NKAIN2: variants seen among roughly 807,000 people sequenced by gnomAD.
NKAIN2 encodes sodium/potassium-transporting ATPase subunit beta-1-interacting protein 2.
NKAIN2 carries 14 observed loss-of-function variants against 32.6 expected under a neutral mutation model. The ratio of observed to expected loss-of-function variants is 0.43; its 90% confidence interval spans 0.28 to 0.67. NKAIN2 has a LOEUF of 0.67. Ranked by LOEUF, NKAIN2 falls within the 30% of genes least tolerant of loss-of-function variation. The pLI is 0.17. For missense variants in NKAIN2, 198 were observed against 258.3 expected, an observed-to-expected ratio of 0.77 and a Z score of 1.60; for synonymous variants, 80 against 87.2, an observed-to-expected ratio of 0.92 and a Z score of 0.46.
At chr6:124,374,849 A>T (rs2114342720) in intron 3 of NKAIN2, among the ~76,000 whole-genome samples, 1 of 152,226 alleles carries the variant, frequency 6.6e-6, no homozygotes, top group African/African-American at 2.4e-5. Context: ...TCAGAAAATT[A>T]GTTCTAAAAT....
intron 3 of NKAIN2, among the ~76,000 whole-genome samples, chr6:124,652,947 C>A (rs183973601): frequency 1.3e-5 from 2 of 152,228 alleles, no homozygotes; most frequent in Non-Finnish European, 2.9e-5. Context: ...CAAACTACAG[C>A]AAAATCTAGC....
intron 1 of NKAIN2, among the ~76,000 whole-genome samples, chr6:124,271,299 C>A (rs1472150685): frequency 6.6e-6 from 1 of 152,188 alleles, no homozygotes; most frequent in Non-Finnish European, 1.5e-5. Context: ...TCACTGCAAG[C>A]TCCACCTCCC....
At chr6:124,121,007 A>G (rs1785853253) in intron 1 of NKAIN2, among the ~76,000 whole-genome samples, 1 of 152,108 alleles carries the variant, frequency 6.6e-6, no homozygotes, top group Non-Finnish European at 1.5e-5. Flanking sequence ...ATTAGTCCTA[A>G]ACTGTTCTAT....
intron 4 of NKAIN2, among the ~76,000 whole-genome samples, chr6:124,773,364 T>A (rs1436939059): frequency 6.6e-6 from 1 of 152,028 alleles, no homozygotes; most frequent in East Asian, 1.9e-4. Context: ...TTTTTAAGAT[T>A]TGCATTTCTT....
rs1477827173 is a variant in NKAIN2 at position 124,101,462 on chromosome 6, A to G, written c.55-181543A>G. 5.3e-5 allele frequency among the ~76,000 whole-genome samples: 8 copies of G among 152,282 alleles called. No homozygotes were observed. The East Asian group carries it at 1.4e-3, about 26-fold the overall frequency. On this transcript the variant is annotated intron_variant, in intron 1 of 6. Coordinates refer to ENST00000368417, the MANE Select transcript of NKAIN2 (RefSeq NM_001040214.3). ...GGAAATCAGACATCTAATTAGCTAGATCATTTGCTGGGCACAGAATGTCAG... is the reference window on the plus strand; with the variant it reads ...GGAAATCAGACATCTAATTAGCTAGGTCATTTGCTGGGCACAGAATGTCAG...
At chr6:123,992,501 T>C (rs1436884977) in intron 1 of NKAIN2, among the ~76,000 whole-genome samples, 1 of 152,098 alleles carries the variant, frequency 6.6e-6, no homozygotes, top group African/African-American at 2.4e-5. Flanking sequence ...AAGTGTAAAA[T>C]TGAGTCCTCT....
chr6:123,953,122 T>A (rs1362892023), intron 1 of NKAIN2, among the ~76,000 whole-genome samples: 2 of 152,190 alleles, frequency 1.3e-5, no homozygotes, highest in Non-Finnish European at 2.9e-5. Flanking sequence ...TGTAGTGTTC[T>A]TATCATTCCT....
Position 124,818,457 on chromosome 6 carries a change from G to A in NKAIN2, c.606G>A (p.Gln202=). 2 of 1,565,120 alleles carry A rather than the reference G, an allele frequency of 1.3e-6. No individual in the cohort carries two copies. The highest frequency in any genetic ancestry group is 1.8e-6 in the Non-Finnish European group (2 of 1,136,654). Residue 202 remains glutamine (Q), a synonymous_variant, in exon 6 of 7, where the codon CAG becomes CAA. Transcript: ENST00000368417. ...GPQKTSHLQL[Q]PMYMSK is the part of the protein sequence containing the mutation. ...AGAAGACATCTCATTTACAACTACAGCCTATGTACATGTAAGTATTTTACT... is the reference window on the plus strand; with the variant it reads ...AGAAGACATCTCATTTACAACTACAACCTATGTACATGTAAGTATTTTACT...
intron 3 of NKAIN2, among the ~76,000 whole-genome samples, chr6:124,577,921 C>G (rs888129986): frequency 6.6e-6 from 1 of 152,170 alleles, no homozygotes; most frequent in Non-Finnish European, 1.5e-5. Flanking sequence ...GCATTCCAGG[C>G]CGTACCTTCT....
chr6:124,432,880 T>G (rs1052861225), intron 3 of NKAIN2, among the ~76,000 whole-genome samples: 27 of 152,086 alleles, frequency 1.8e-4, no homozygotes, highest in Non-Finnish European at 2.9e-4. Flanking sequence ...TCCAAAGCAC[T>G]AATATACCCC....
intron 2 of NKAIN2, among the ~76,000 whole-genome samples, chr6:124,331,377 A>AC: frequency 6.8e-6 from 1 of 146,642 alleles, no homozygotes; most frequent in Non-Finnish European, 1.5e-5. Context: ...AAAAAAAAAA[A>AC]AACTAGCTGG....
At chr6:124,021,128 T>C (rs1003339852) in intron 1 of NKAIN2, among the ~76,000 whole-genome samples, 1 of 152,022 alleles carries the variant, frequency 6.6e-6, no homozygotes, top group Non-Finnish European at 1.5e-5. Flanking sequence ...ATCTGACTCA[T>C]AACAGTGAAA....
intron 2 of NKAIN2, among the ~76,000 whole-genome samples, chr6:124,323,883 G>A (rs893920748): frequency 6.7e-6 from 1 of 150,010 alleles, no homozygotes; most frequent in African/African-American, 2.5e-5. Context: ...CACCTCCTGG[G>A]TACATGCCAT....
intron 4 of NKAIN2, among the ~76,000 whole-genome samples, chr6:124,697,652 C>G (rs906336806): frequency 1.3e-5 from 2 of 152,162 alleles, no homozygotes; most frequent in Non-Finnish European, 2.9e-5. Context: ...TTGTTTTTTA[C>G]TTGCAGCACT....
intron 1 of NKAIN2, among the ~76,000 whole-genome samples, chr6:123,854,675 G>A (rs1185640054): frequency 6.6e-6 from 1 of 152,128 alleles, no homozygotes; most frequent in Non-Finnish European, 1.5e-5. Context: ...ATTAGCCTTA[G>A]AGTACATAAG....
intron 2 of NKAIN2, among the ~76,000 whole-genome samples, chr6:124,295,371 G>A (rs11753035): frequency 0.14 from 21,367 of 152,032 alleles, 1,705 homozygotes; most frequent in East Asian, 0.27. Flanking sequence ...GGCATGAGAA[G>A]CTCTGTGAAC....
chr6:124,092,112 C>T (rs533270296), intron 1 of NKAIN2, among the ~76,000 whole-genome samples: 12 of 152,108 alleles, frequency 7.9e-5, no homozygotes, highest in African/African-American at 2.4e-4. Context: ...TATAGGCTTC[C>T]TAAAGATAAA....
chr6:124,498,062 G>A (rs1365020446), intron 3 of NKAIN2, among the ~76,000 whole-genome samples: 4 of 152,102 alleles, frequency 2.6e-5, no homozygotes, highest in Non-Finnish European at 4.4e-5. Context: ...ATATATAGTT[G>A]AGAAGAACAG....
At chr6:124,496,785 G>A (rs1259712223) in intron 3 of NKAIN2, among the ~76,000 whole-genome samples, 1 of 152,076 alleles carries the variant, frequency 6.6e-6, no homozygotes, top group African/African-American at 2.4e-5. Context: ...AAGAAAGTAG[G>A]TTGATGTTGA....
Sources: gnomAD v4.1 joint callset for allele counts (sites outside exome capture counted in the v4.1 genomes callset) on GRCh38, gnomAD v4.1.1 for gene constraint, MANE v1.5 for transcripts, NCBI Gene and HGNC (gene_info 2026-07-23, HGNC 2026-07-21) for gene names.